KIF16B: variants seen among roughly 807,000 people sequenced by gnomAD.
KIF16B encodes kinesin-like protein KIF16B.
KIF16B carries 98 observed loss-of-function variants against 156.3 expected under a neutral mutation model. The ratio of observed to expected loss-of-function variants is 0.63; its 90% CI spans 0.53 to 0.74. The LOEUF (loss-of-function observed/expected upper bound fraction) is 0.74, where lower values mean the gene tolerates loss of function less well. Among genes scored for constraint, KIF16B ranks in the 30% least tolerant of loss-of-function variants. The pLI, the probability that KIF16B is intolerant of heterozygous loss-of-function variation, is 0.00. For synonymous variants in KIF16B, 564 were observed against 583.7 expected, an observed-to-expected ratio of 0.97 and a Z score of 0.49; for missense variants, 1,421 against 1,606.5, an observed-to-expected ratio of 0.88 and a Z score of 1.97.
intron 1 of KIF16B, among the ~76,000 whole-genome samples, chr20:16,558,501 G>C (rs2070936333): frequency 6.6e-6 from 1 of 152,194 alleles, no homozygotes; most frequent in Non-Finnish European, 1.5e-5. Context: ...TATAAAAGAG[G>C]CTCCAGGATA....
At chr20:16,524,013 C>A (rs1489041371) in intron 3 of KIF16B, among the ~76,000 whole-genome samples, 2 of 152,026 alleles carry the variant, frequency 1.3e-5, no homozygotes, top group African/African-American at 2.4e-5. Context: ...ACACCTTATA[C>A]AAAATTAATT....
Position 16,352,749 on chromosome 20 carries a change from G to A in KIF16B, c.3621+3581C>T, listed in dbSNP as rs530341835. The stretch of plus-strand genomic sequence containing the variant: ...AGGAAGCAGAGCGGGTGAGGAGGGC[G>A]AGGGGAAGATGACAAAGGAGAACCT... On this transcript the variant is annotated intron_variant, in intron 23 of 25. Transcript: ENST00000354981. Among the ~76,000 whole-genome samples, 6 of 152,336 alleles carry A rather than the reference G, an allele frequency of 3.9e-5. No individual in the cohort carries two copies. The South Asian group carries it at 8.3e-4, about 21-fold the overall frequency.
chr20:16,523,430 C>G (rs2069420696), intron 3 of KIF16B, among the ~76,000 whole-genome samples: 2 of 152,130 alleles, frequency 1.3e-5, no homozygotes, highest in Admixed American at 1.3e-4. Flanking sequence ...AACTCCCATT[C>G]ACAATTGCTA....
intron 12 of KIF16B, among the ~76,000 whole-genome samples, chr20:16,452,119 G>A (rs2067097985): frequency 6.6e-6 from 1 of 152,176 alleles, no homozygotes; most frequent in Non-Finnish European, 1.5e-5. Flanking sequence ...CAGGAGGAGA[G>A]GGGCTCAGGC....
At chr20:16,488,117 A>T (rs186356454) in intron 12 of KIF16B, among the ~76,000 whole-genome samples, 43 of 152,336 alleles carry the variant, frequency 2.8e-4, no homozygotes, top group African/African-American at 9.9e-4. Context: ...CCAGCCGGAC[A>T]TTGGAGCCAT....
At chr20:16,551,135 T>A (rs73102805) in intron 1 of KIF16B, among the ~76,000 whole-genome samples, 2 of 107,270 alleles carry the variant, frequency 1.9e-5, no homozygotes, top group African/African-American at 5.9e-5. Flanking sequence ...TTCTCTTCTT[T>A]TTTTTTTTTT....
chr20:16,507,498 A>C (rs2068821386), intron 7 of KIF16B, among the ~76,000 whole-genome samples: 1 of 152,208 alleles, frequency 6.6e-6, no homozygotes, highest in African/African-American at 2.4e-5. Context: ...ATGAATTCTT[A>C]CATTAGTACT....
At chr20:16,346,096 CT>C in intron 23 of KIF16B, among the ~76,000 whole-genome samples, 1 of 152,188 alleles carries the variant, frequency 6.6e-6, no homozygotes, top group Non-Finnish European at 1.5e-5. Flanking sequence ...GTAACAGTTC[CT>C]AATCCAAGCA....
chr20:16,450,018 C>T lies in KIF16B; in HGVS notation c.1303-20036G>A, dbSNP rs115925327. Reference sequence around the variant, plus strand: ...CATAAAAATGCTTGCTTTCAGAAAGCATATTATATAAATTAATATACTATG... The same window carrying T: ...CATAAAAATGCTTGCTTTCAGAAAGTATATTATATAAATTAATATACTATG... On this transcript the variant is annotated intron_variant, in intron 12 of 25. Transcript: ENST00000354981. Among the ~76,000 whole-genome samples the T allele has an allele frequency of 9.9e-3, 1,505 of 152,220 alleles. 29 individuals are homozygous for T. Among genetic ancestry groups the T allele is most frequent in the African/African-American group, 0.034 (1,400 of 41,538 alleles).
intron 25 of KIF16B, among the ~76,000 whole-genome samples, chr20:16,281,357 G>T (rs68088277): frequency 0.045 from 6,857 of 152,066 alleles, 272 homozygotes; most frequent in African/African-American, 0.11. Flanking sequence ...CATTTAACTC[G>T]CAGTACTTGG....
intron 1 of KIF16B, among the ~76,000 whole-genome samples, chr20:16,547,122 C>T (rs146519242): frequency 1.4e-3 from 206 of 152,252 alleles, no homozygotes; most frequent in Middle Eastern, 3.4e-3. Flanking sequence ...GTTATTCTGA[C>T]GACATACAGA....
At chr20:16,280,617 G>C (rs745681086) in intron 25 of KIF16B, among the ~76,000 whole-genome samples, 14 of 152,238 alleles carry the variant, frequency 9.2e-5, no homozygotes, top group Non-Finnish European at 1.8e-4. Flanking sequence ...AAGTAACTGA[G>C]ATTCCAAGGG....
At position 16,365,180 on chromosome 20, in the gene KIF16B, C is replaced by G. The variant is rs183551968; in HGVS notation, c.3498+5406G>C. Among the ~76,000 whole-genome samples, 13 of 151,578 alleles carry G rather than the reference C, an allele frequency of 8.6e-5. No homozygotes were observed. In the East Asian group the frequency reaches 2.5e-3, roughly 29 times the overall value. On this transcript the variant is annotated intron_variant, in intron 22 of 25. Transcript: ENST00000354981. ...CTTATCAAGAAAATATGAGAAAATA[C>G]TGGATGGAACAACTTGAAAAAAGGA...
intron 2 of KIF16B, among the ~76,000 whole-genome samples, 175 bp from the exon 3 acceptor site, chr20:16,526,380 G>A (rs1422844300): frequency 6.6e-6 from 1 of 152,114 alleles, no homozygotes; most frequent in African/African-American, 2.4e-5. Context: ...CAAGTTCTCT[G>A]TGATATGACC....
chr20:16,481,786 T>C (rs2067990558), intron 12 of KIF16B, among the ~76,000 whole-genome samples: 1 of 152,142 alleles, frequency 6.6e-6, no homozygotes, highest in Non-Finnish European at 1.5e-5. Flanking sequence ...CAAAGACAAC[T>C]TAGGAAGGCT....
At chr20:16,427,697 A>G (rs1182187956) in intron 14 of KIF16B, among the ~76,000 whole-genome samples, 1 of 152,136 alleles carries the variant, frequency 6.6e-6, no homozygotes, top group Non-Finnish European at 1.5e-5. Context: ...CTCCAGGAGC[A>G]GAAACCCAAG....
Position 16,483,419 on chromosome 20 carries a change from A to T in KIF16B, c.1302+10872T>A, listed in dbSNP as rs76729604. On this transcript the variant is annotated intron_variant, in intron 12 of 25. Transcript: ENST00000354981. Reference sequence around the variant, plus strand: ...AGTAACACCAGCTTGTATCTGTATAAAACTACATACCTTAAAAAGTTTCCA... The same window carrying T: ...AGTAACACCAGCTTGTATCTGTATATAACTACATACCTTAAAAAGTTTCCA... Among the ~76,000 whole-genome samples the T allele has an allele frequency of 6.6e-3, 998 of 152,346 alleles. 19 individuals carry two copies. In the East Asian group the frequency reaches 0.07, roughly 11 times the overall value.
intron 24 of KIF16B, among the ~76,000 whole-genome samples, chr20:16,314,864 ATGT>A (rs1260388949): frequency 6.6e-6 from 1 of 151,962 alleles, no homozygotes; most frequent in Non-Finnish European, 1.5e-5. Context: ...CACTCCCCCC[ATGT>A]TGCAGCTCAG....
At chr20:16,374,535 C>T (rs1480872882) in intron 19 of KIF16B, 126 bp from the exon 20 acceptor site, 1 of 882,358 alleles carries the variant, frequency 1.1e-6, no homozygotes, top group African/African-American at 1.7e-5. Flanking sequence ...AGAACTTTAC[C>T]TTCTAGTAGA....
Sources: gnomAD v4.1 joint callset for allele counts (sites outside exome capture counted in the v4.1 genomes callset) on GRCh38, gnomAD v4.1.1 for gene constraint, MANE v1.5 for transcripts, NCBI Gene and HGNC (gene_info 2026-07-23, HGNC 2026-07-21) for gene names.